DENND10: variants seen among roughly 807,000 people sequenced by gnomAD.
DENND10 encodes the protein DENN domain containing 10.
Under a neutral mutation model 43.6 loss-of-function variants are expected in DENND10, and 24 were observed. That is an observed-to-expected ratio of 0.55 (90% CI 0.40 to 0.77). The LOEUF is 0.77. DENND10 is among the 30% of genes least tolerant of loss of function. The pLI, the probability that DENND10 is intolerant of heterozygous loss-of-function variation, is 0.00. For missense variants in DENND10, 303 were observed against 429.9 expected (o/e 0.70, Z 2.61); for synonymous variants, 125 against 157.6 (o/e 0.79, Z 1.55).
intron 1 of DENND10, 100 bp downstream of exon 1, chr10:119,104,297 A>T: frequency 8.6e-7 from 1 of 1,167,592 alleles, no homozygotes; most frequent in Non-Finnish European, 1.2e-6. Context: ...CCCGGCGCCG[A>T]CCGCATGAGG....
chr10:119,123,584 C>A lies in DENND10; in HGVS notation c.694+15C>A. The A allele has an allele frequency of 1.3e-6, 2 of 1,557,566 alleles. No individual in the cohort carries two copies. Among genetic ancestry groups the A allele is most frequent in the Non-Finnish European group, 1.8e-6 (2 of 1,132,480 alleles). ...GATGTGCACAGGTAGACAAGAGGAT[C>A]CCAGGGGAGGAACTGTTTCACTTTT... On this transcript the variant is annotated intron_variant, in intron 6 of 8. Coordinates refer to ENST00000361432, the MANE Select transcript of DENND10 (RefSeq NM_207009.4).
rs1243000412 is a variant in DENND10 at position 119,132,501 on chromosome 10, C to T, written c.803-14C>T. On this transcript the variant is annotated splice_polypyrimidine_tract_variant and intron_variant, in intron 7 of 8. Transcript: ENST00000361432. This position sits in a 1 kb window ranked among gnomAD's most constrained non-coding sequence, Gnocchi z 4.2. ...ATGTCGATTTCTAAATATTCACCTT[C>T]TTGATCTCACCAGAGGCCATGGCAA... is the stretch of plus-strand genomic sequence containing the variant. The T allele has an allele frequency of 1.3e-6, 2 of 1,599,408 alleles. No homozygotes were observed. The highest frequency in any genetic ancestry group is 1.7e-6 in the Non-Finnish European group (2 of 1,166,660).
intron 1 of DENND10, among the ~76,000 whole-genome samples, chr10:119,107,463 G>T (rs897871781): frequency 1.3e-5 from 2 of 151,282 alleles, no homozygotes; most frequent in Admixed American, 1.3e-4. Flanking sequence ...GAGTGCAGTG[G>T]CGTGATCTTG....
rs1846403551 is a variant in DENND10 at position 119,137,264 on chromosome 10, C to A, written c.*617C>A. On this transcript the variant is annotated 3_prime_UTR_variant, in exon 9 of 9. Coordinates refer to ENST00000361432, the MANE Select transcript of DENND10 (RefSeq NM_207009.4). Reference sequence around the variant, plus strand: ...ATATATTTTATACTTGAGTAGACAACTTTAATAATCCATATTTATACTATC... The same window carrying A: ...ATATATTTTATACTTGAGTAGACAAATTTAATAATCCATATTTATACTATC... The A allele has an allele frequency of 6.4e-6, 1 of 157,224 alleles. No homozygotes were observed. Among genetic ancestry groups the A allele is most frequent in the South Asian group, 2.3e-4 (1 of 4,300 alleles). 9.7% of individuals were successfully genotyped at this position (157,224 alleles called of 1,614,324 possible).
In DENND10 at chr10:119,119,247, G is replaced by T. The variant is rs371447032; in HGVS notation, c.482-1094G>T. Among the ~76,000 whole-genome samples the T allele has an allele frequency of 2.0e-5, 3 of 151,380 alleles. No homozygotes were observed. The South Asian group carries it at 6.3e-4, about 32-fold the overall frequency. On this transcript the variant is annotated intron_variant, in intron 4 of 8. Transcript: ENST00000361432. ...TCGAACTCCTGACCTCAGGTGATCC[G>T]TCTGCCTCGGCCTCCCAAAGTGCTA...
intron 5 of DENND10, 26 bp from the exon 6 acceptor site, chr10:119,123,443 C>T (rs1423201192): frequency 6.3e-7 from 1 of 1,575,322 alleles, no homozygotes; most frequent in African/African-American, 1.4e-5. Context: ...CCAGCAACAA[C>T]TTGAGTTCTT....
chr10:119,130,948 A>C (rs1846058798), intron 7 of DENND10, among the ~76,000 whole-genome samples: 2 of 152,258 alleles, frequency 1.3e-5, no homozygotes, highest in Non-Finnish European at 2.9e-5. Flanking sequence ...CACTAAGTTT[A>C]GTCAACACTT....
intron 6 of DENND10, 125 bp from the exon 7 acceptor site, chr10:119,129,390 G>T: frequency 1.5e-6 from 1 of 662,508 alleles, no homozygotes; most frequent in Non-Finnish European, 2.7e-6. Flanking sequence ...ACAGGGTACA[G>T]CTAATGTTCC....
At chr10:119,105,481 C>T (rs1300269279) in intron 1 of DENND10, 3 of 1,140,474 alleles carry the variant, frequency 2.6e-6, no homozygotes, top group Middle Eastern at 2.4e-4. Flanking sequence ...GATGGGATAC[C>T]GACATGTTGT....
At position 119,136,490 on chromosome 10, in the gene DENND10, G is replaced by T; in HGVS notation, c.917G>T (p.Arg306Ile). The T allele has an allele frequency of 1.2e-6, 2 of 1,601,310 alleles. No homozygotes were observed. Among genetic ancestry groups the T allele is most frequent in the Non-Finnish European group, 1.7e-6 (2 of 1,176,904 alleles). The stretch of plus-strand genomic sequence containing the variant: ...TTAAAGGATATTGCTCTAAAAACAA[G>T]AGAAATCTTTACCAACCTAGCACCG... Reference protein sequence around the residue: ...HVIQDIALKTREIFTNLAPFS... With the variant: ...HVIQDIALKTIEIFTNLAPFS... Residue 306 changes from arginine to isoleucine, a missense_variant, in exon 9 of 9, where the codon AGA becomes ATA. Arg to Ile is a moderately conservative substitution (Grantham distance 97). Coordinates refer to ENST00000361432, the MANE Select transcript of DENND10 (RefSeq NM_207009.4).
At chr10:119,114,816 C>T (rs1185805127) in intron 3 of DENND10, among the ~76,000 whole-genome samples, 2 of 151,328 alleles carry the variant, frequency 1.3e-5, no homozygotes, top group Non-Finnish European at 2.9e-5. Flanking sequence ...GTCACCCAGG[C>T]TGGAATGCAG....
At chr10:119,106,942 C>G (rs910929177) in intron 1 of DENND10, among the ~76,000 whole-genome samples, 7 of 151,914 alleles carry the variant, frequency 4.6e-5, no homozygotes. Context: ...CCCAGCCACT[C>G]GGGAGGCTGA....
intron 6 of DENND10, among the ~76,000 whole-genome samples, chr10:119,124,252 G>A (rs1029250442): frequency 4.0e-5 from 6 of 150,734 alleles, no homozygotes; most frequent in Non-Finnish European, 8.9e-5. Flanking sequence ...TTGGCCGGGC[G>A]CGGTGCCTCA....
intron 2 of DENND10, among the ~76,000 whole-genome samples, chr10:119,110,581 C>G (rs753887995): frequency 6.6e-6 from 1 of 152,142 alleles, no homozygotes. Context: ...CTCAGCCTCC[C>G]GAGTAGCTGG....
chr10:119,104,303 T>A (rs1844574020), intron 1 of DENND10, 106 bp downstream of exon 1: 1 of 1,086,052 alleles, frequency 9.2e-7, no homozygotes, highest in Non-Finnish European at 1.3e-6. Flanking sequence ...GCCGACCGCA[T>A]GAGGAGGGCG....
intron 6 of DENND10, among the ~76,000 whole-genome samples, chr10:119,127,946 C>T (rs1326591515): frequency 6.6e-6 from 1 of 151,996 alleles, no homozygotes; most frequent in East Asian, 1.9e-4. Context: ...TTTTAACTGT[C>T]CTTGCTTGGT....
chr10:119,104,142 G>C lies in DENND10; in HGVS notation c.-1G>C, dbSNP rs1844563242. ...AGAGCTGCGCGCCGCGGCGGCGGAA[G>C]ATGGCTGCGGCCGAGGTGGCGGACA... On this transcript the variant is annotated 5_prime_UTR_variant, in exon 1 of 9. Transcript: ENST00000361432. 2 of 1,513,362 alleles carry C rather than the reference G, an allele frequency of 1.3e-6. No individual in the cohort carries two copies. Among genetic ancestry groups the C allele is most frequent in the East Asian group, 5.4e-5 (2 of 36,960 alleles). The allele number at this position is 1,513,362 out of a possible 1,614,324, so 93.7% of individuals were successfully genotyped here. A position where few individuals can be genotyped will look rare whatever the true frequency, so the allele number is the denominator to read the frequency against.
rs766601965 is a variant in DENND10 at position 119,111,859 on chromosome 10, T to C, written c.263T>C (p.Phe88Ser). The change falls in exon 3 of 9, where the codon TTT becomes TCT. Residue 88 changes from phenylalanine (F) to serine (S), a missense_variant. Coordinates refer to ENST00000361432, the MANE Select transcript of DENND10 (RefSeq NM_207009.4). ...GTTTCTTTTGAACAGGTGACTCATTTTTCTATTGTCCTGACCGCCAAAGAT... is the reference window on the plus strand; with the variant it reads ...GTTTCTTTTGAACAGGTGACTCATTCTTCTATTGTCCTGACCGCCAAAGAT... ...DSSILKKVTHFSIVLTAKDFN... is the reference protein window; with the variant it reads ...DSSILKKVTHSSIVLTAKDFN... The C allele has an allele frequency of 4.3e-6, 7 of 1,612,660 alleles. No homozygotes were observed. The highest frequency in any genetic ancestry group is 1.3e-5 in the African/African-American group (1 of 74,906).
intron 2 of DENND10, among the ~76,000 whole-genome samples, chr10:119,110,217 G>T (rs907460498): frequency 6.6e-6 from 1 of 151,866 alleles, no homozygotes. Flanking sequence ...TGTCACCCAG[G>T]TTGGAGTGCA....
Sources: allele counts gnomAD v4.1 joint callset (sites outside exome capture counted in the v4.1 genomes callset), GRCh38; gene constraint gnomAD v4.1.1; non-coding constraint Gnocchi (gnomAD v3.1); transcripts MANE v1.5; gene names NCBI Gene and HGNC (gene_info 2026-07-23, HGNC 2026-07-21).